ASCC3: variants seen among roughly 807,000 people sequenced by gnomAD.
The protein encoded by ASCC3 is activating signal cointegrator 1 complex subunit 3.
ASCC3 carries 158 observed loss-of-function variants against 256.3 expected under a neutral mutation model. That is an observed-to-expected ratio of 0.62 (90% CI 0.54 to 0.70). The LOEUF is 0.70. Ranked by LOEUF, ASCC3 falls within the 30% of genes least tolerant of loss-of-function variation. The probability of loss-of-function intolerance (pLI) is 0.00; values close to 1 mark genes in which losing one functional copy is unlikely to be tolerated. For missense variants in ASCC3, 2,259 were observed against 2,626.0 expected (o/e 0.86, Z 3.05); for synonymous variants, 948 against 883.4 (o/e 1.07, Z -1.30).
chr6:100,514,945 C>T (rs1193612300), intron 39 of ASCC3, among the ~76,000 whole-genome samples: 1 of 152,158 alleles, frequency 6.6e-6, no homozygotes, highest in Non-Finnish European at 1.5e-5. Context: ...CGCCTCACTG[C>T]AGAGCCGGCA....
At chr6:100,792,031 T>C (rs1769372407) in intron 8 of ASCC3, among the ~76,000 whole-genome samples, 1 of 151,926 alleles carries the variant, frequency 6.6e-6, no homozygotes, top group Non-Finnish European at 1.5e-5. Context: ...ACTATTTGGC[T>C]TCCTATAAAT....
intron 10 of ASCC3, among the ~76,000 whole-genome samples, chr6:100,726,268 T>C (rs1177572147): frequency 6.6e-6 from 1 of 151,928 alleles, no homozygotes; most frequent in Non-Finnish European, 1.5e-5. Context: ...TTCTCCTAAA[T>C]TTTAAATTAA....
chr6:100,735,908 T>C (rs1453929799), intron 10 of ASCC3, among the ~76,000 whole-genome samples: 1 of 152,258 alleles, frequency 6.6e-6, no homozygotes. Flanking sequence ...TATACCGTAG[T>C]AATATTTCCT....
intron 23 of ASCC3, among the ~76,000 whole-genome samples, chr6:100,642,997 C>G (rs1429325917): frequency 2.0e-5 from 3 of 152,122 alleles, no homozygotes; most frequent in Non-Finnish European, 4.4e-5. Flanking sequence ...CATGTATTAA[C>G]AAGTTACCAA....
In ASCC3 at chr6:100,813,614, A is replaced by C. The variant is rs115025901; in HGVS notation, c.802-7734T>G. On this transcript the variant is annotated intron_variant, in intron 4 of 41. Transcript: ENST00000369162. ...TCACAAATTACTTTACCCATTATAC[A>C]GGGCGTCTGTGTTTGTGTGTGCGTG... 6.8e-3 allele frequency among the ~76,000 whole-genome samples: 1,033 copies of C among 152,144 alleles called. 14 individuals carry two copies. The highest frequency in any genetic ancestry group is 0.024 in the African/African-American group (977 of 41,518).
chr6:100,647,113 G>A (rs1775418720), intron 21 of ASCC3, 113 bp downstream of exon 21: 6 of 1,006,766 alleles, frequency 6.0e-6, no homozygotes, highest in South Asian at 2.9e-5. Flanking sequence ...TTATAAATAC[G>A]GTAAAATTTT....
intron 4 of ASCC3, among the ~76,000 whole-genome samples, chr6:100,835,508 C>A (rs967942259): frequency 3.3e-5 from 5 of 152,130 alleles, no homozygotes. Context: ...GCTTTTCCAG[C>A]TCCATTTATT....
intron 13 of ASCC3, 50 bp downstream of exon 13, chr6:100,715,412 A>G (rs1377045251): frequency 2.0e-6 from 3 of 1,479,256 alleles, no homozygotes; most frequent in Admixed American, 3.4e-5. Context: ...ATCATTAAGC[A>G]CTCTCTAAAA....
chr6:100,845,868 C>G (rs1188604017), intron 4 of ASCC3, among the ~76,000 whole-genome samples: 1 of 152,080 alleles, frequency 6.6e-6, no homozygotes, highest in Non-Finnish European at 1.5e-5. Context: ...CTATTCAGAG[C>G]TGGGAAACCA....
At chr6:100,539,780 A>T (rs541249844) in intron 37 of ASCC3, among the ~76,000 whole-genome samples, 52 of 152,080 alleles carry the variant, frequency 3.4e-4, no homozygotes, top group South Asian at 6.2e-4. Flanking sequence ...TATTTTTTTT[A>T]AAAAATAGCA....
intron 5 of ASCC3, 101 bp downstream of exon 5, chr6:100,805,659 T>C: frequency 7.2e-7 from 1 of 1,393,272 alleles, no homozygotes; most frequent in Non-Finnish European, 9.8e-7. Context: ...GTAAATTATA[T>C]AACAGACCAA....
intron 37 of ASCC3, among the ~76,000 whole-genome samples, chr6:100,528,543 G>T (rs1774711145): frequency 6.6e-6 from 1 of 152,108 alleles, no homozygotes; most frequent in Non-Finnish European, 1.5e-5. Flanking sequence ...AGAGAAGAAA[G>T]ACTGGAAACT....
At chr6:100,672,945 C>T (rs964344351) in intron 14 of ASCC3, among the ~76,000 whole-genome samples, 5 of 151,956 alleles carry the variant, frequency 3.3e-5, no homozygotes, top group African/African-American at 9.7e-5. Context: ...TGAGTGATCA[C>T]GACAAAAAAC....
At chr6:100,715,730 G>A (rs6907444) in intron 12 of ASCC3, among the ~76,000 whole-genome samples, 197 bp from the exon 13 acceptor site, 1 of 151,048 alleles carries the variant, frequency 6.6e-6, no homozygotes, top group Non-Finnish European at 1.5e-5. Context: ...AGTACAAATA[G>A]AGTAACTCAG....
intron 13 of ASCC3, among the ~76,000 whole-genome samples, chr6:100,707,830 T>G (rs1056226818): frequency 7.2e-5 from 11 of 152,114 alleles, no homozygotes; most frequent in African/African-American, 2.7e-4. Context: ...TATTTCACTG[T>G]AGAAAAATTG....
intron 16 of ASCC3, among the ~76,000 whole-genome samples, chr6:100,660,507 C>T (rs748050692): frequency 4.6e-5 from 7 of 151,658 alleles, no homozygotes; most frequent in Non-Finnish European, 8.9e-5. Context: ...CATAATATTT[C>T]CTTTGGATTC....
At chr6:100,623,400 T>C (rs1774061929) in intron 30 of ASCC3, among the ~76,000 whole-genome samples, 3 of 152,156 alleles carry the variant, frequency 2.0e-5, no homozygotes, top group Non-Finnish European at 4.4e-5. Context: ...AGGTCATCTA[T>C]AGAACTAAGC....
intron 11 of ASCC3, among the ~76,000 whole-genome samples, chr6:100,719,418 G>C (rs1340692810): frequency 3.3e-5 from 5 of 151,912 alleles, no homozygotes; most frequent in African/African-American, 1.2e-4. Flanking sequence ...TGGTGATTTG[G>C]AAAGAAATGA....
chr6:100,620,587 T>C (rs1432758316), intron 30 of ASCC3, among the ~76,000 whole-genome samples: 1 of 152,168 alleles, frequency 6.6e-6, no homozygotes, highest in Non-Finnish European at 1.5e-5. Context: ...CAAATATCTA[T>C]AGACAGTTCT....
Sources: gnomAD v4.1 joint callset for allele counts (sites outside exome capture counted in the v4.1 genomes callset) on GRCh38, gnomAD v4.1.1 for gene constraint, MANE v1.5 for transcripts, NCBI Gene and HGNC (gene_info 2026-07-23, HGNC 2026-07-21) for gene names.